Variants in S1PR5 observed in about 807,000 individuals in gnomAD.
S1PR5 encodes the protein sphingosine-1-phosphate receptor 5.
For synonymous variants in S1PR5, 307 were observed against 284.7 expected (o/e 1.08, Z -0.79); for missense variants, 583 against 571.7 (o/e 1.02, Z -0.20).
Position 10,514,180 on chromosome 19 carries a change from G to A in S1PR5, c.832C>T (p.Pro278Ser). The change falls in exon 2 of 2, where the codon CCG (proline) becomes TCG (serine). Residue 278 changes from proline (P) to serine (S), a missense_variant. Transcript: ENST00000333430. The part of the protein sequence containing the change: ...FLLLLLDVAC[P>S]ARTCPVLLQA... ...AGGAGTACAGGACAGGTGCGCGCCG[G>A]GCACGCCACGTCGAGCAACAGCAGC... 6.2e-7 allele frequency: 1 copy of A among 1,612,496 alleles called. No individual in the cohort carries two copies. Among genetic ancestry groups the A allele is most frequent in the Non-Finnish European group, 8.5e-7 (1 of 1,179,706 alleles).
chr19:10,513,646 C>G lies in S1PR5; in HGVS notation c.*169G>C, dbSNP rs568152087. On this transcript the variant is annotated 3_prime_UTR_variant, in exon 2 of 2. Transcript: ENST00000333430. Reference sequence around the variant, plus strand: ...GTTCCCAAGCAGAACGTCAATTCCACGAGGGCACAGATTTTTTGTCTGTTT... The same window carrying G: ...GTTCCCAAGCAGAACGTCAATTCCAGGAGGGCACAGATTTTTTGTCTGTTT... 39 of 909,518 alleles carry G rather than the reference C, an allele frequency of 4.3e-5. No homozygotes were observed. The East Asian group carries it at 9.3e-4, about 22-fold the overall frequency. 56.3% of individuals were successfully genotyped at this position (909,518 alleles called of 1,614,324 possible).
intron 1 of S1PR5, 160 bp downstream of exon 1, chr19:10,517,238 G>T (rs372186661): frequency 5.7e-6 from 2 of 350,898 alleles, no homozygotes; most frequent in Non-Finnish European, 4.0e-6. Context: ...CAGCTGGGGA[G>T]CCCCCAGCTT....
Position 10,514,565 on chromosome 19 carries a change from C to T in S1PR5, c.447G>A (p.Gly149=), listed in dbSNP as rs748986653. The T allele has an allele frequency of 6.3e-7, 1 of 1,577,914 alleles. No individual in the cohort carries two copies. ...RRGPAPVSSR[G]RTLAMAAAAW... Reference sequence around the variant, plus strand: ...CCGCGGCTGCCATCGCCAGCGTGCGCCCCCGACTGGAGACGGGCGCGGGCC... The same window carrying T: ...CCGCGGCTGCCATCGCCAGCGTGCGTCCCCGACTGGAGACGGGCGCGGGCC... The change falls in exon 2 of 2, where the codon GGG becomes GGA. Residue 149 remains glycine, a synonymous_variant. Coordinates refer to ENST00000333430, the MANE Select transcript of S1PR5 (RefSeq NM_030760.5).
chr19:10,514,473 T>C lies in S1PR5; in HGVS notation c.539A>G (p.Asp180Gly). 6.2e-7 allele frequency: 1 copy of C among 1,607,498 alleles called. No homozygotes were observed. ...ALGWNCLGRLDACSTVLPLYA... is the reference protein window; with the variant it reads ...ALGWNCLGRLGACSTVLPLYA... ...GAGCGGCAAGACAGTGGAGCAAGCG[T>C]CCAGGCGACCCAGGCAATTCCAGCC... Residue 180 changes from aspartate to glycine, a missense_variant, in exon 2 of 2, where the codon GAC becomes GGC. Physicochemically the swap from Asp to Gly is moderately conservative, Grantham distance 94. Coordinates refer to ENST00000333430, the MANE Select transcript of S1PR5 (RefSeq NM_030760.5).
intron 1 of S1PR5, chr19:10,517,053 T>C (rs1382226433): frequency 6.6e-6 from 1 of 152,084 alleles, no homozygotes; most frequent in African/African-American, 2.4e-5. Context: ...ATGCTGGAGG[T>C]GGGGAGCCCA....
intron 1 of S1PR5, among the ~76,000 whole-genome samples, chr19:10,516,443 A>G (rs900564214): frequency 6.6e-6 from 1 of 151,734 alleles, no homozygotes; most frequent in Non-Finnish European, 1.5e-5. Flanking sequence ...TCATCTCTAC[A>G]AAAAAATTTA....
chr19:10,514,621 G>A lies in S1PR5; in HGVS notation c.391C>T (p.Leu131=), dbSNP rs1224502871. ...CGCGCCATGGTGAGGCTGCGCTCCA[G>A]CGCGATGGCCAGGAGGCTCAGCACG... The part of the protein sequence containing the change: ...ASVLSLLAIA[L]ERSLTMARRG... Residue 131 remains leucine, a synonymous_variant, in exon 2 of 2, where the codon CTG becomes TTG. Transcript: ENST00000333430. The A allele has an allele frequency of 6.3e-7, 1 of 1,593,558 alleles. No individual in the cohort carries two copies. Among genetic ancestry groups the A allele is most frequent in the Non-Finnish European group, 8.5e-7 (1 of 1,172,402 alleles).
chr19:10,513,327 G>A lies in S1PR5; in HGVS notation c.*488C>T, dbSNP rs555684174. 4 of 361,902 alleles carry A rather than the reference G, an allele frequency of 1.1e-5. No individual in the cohort carries two copies. Among genetic ancestry groups the A allele is most frequent in the Non-Finnish European group, 2.0e-5 (4 of 204,968 alleles). The allele number at this position is 361,902 out of a possible 1,614,324, so 22.4% of individuals were successfully genotyped here. On this transcript the variant is annotated 3_prime_UTR_variant, in exon 2 of 2. Transcript: ENST00000333430. ...TCTATATCACCCACAAGGTCCTTCG[G>A]GAACTACTCCTTCAGCTCCTTGTCT...
At position 10,514,633 on chromosome 19, in the gene S1PR5, G is replaced by T. The variant is rs1461670204; in HGVS notation, c.379C>A (p.Leu127Met). The T allele has an allele frequency of 6.3e-7, 1 of 1,598,272 alleles. No homozygotes were observed. Among genetic ancestry groups the T allele is most frequent in the Admixed American group, 1.7e-5 (1 of 57,734 alleles). ...VALTASVLSL[L>M]AIALERSLTM... ...AGGCTGCGCTCCAGCGCGATGGCCAGGAGGCTCAGCACGGACGCAGTGAGT... is the reference window on the plus strand; with the variant it reads ...AGGCTGCGCTCCAGCGCGATGGCCATGAGGCTCAGCACGGACGCAGTGAGT... The change falls in exon 2 of 2, where the codon CTG becomes ATG. Residue 127 changes from leucine (L) to methionine (M), a missense_variant. Transcript: ENST00000333430.
chr19:10,515,525 A>C (rs1266607349), intron 1 of S1PR5, among the ~76,000 whole-genome samples: 1 of 152,044 alleles, frequency 6.6e-6, no homozygotes. Flanking sequence ...AGGCAGAAGA[A>C]TCATTTGAAC....
In S1PR5 at chr19:10,514,916, C is replaced by T. The variant is rs533204482; in HGVS notation, c.96G>A (p.Pro32=). The T allele has an allele frequency of 3.5e-5, 57 of 1,610,138 alleles. No individual in the cohort carries two copies. Among genetic ancestry groups the T allele is most frequent in the Admixed American group, 1.7e-4 (10 of 59,904 alleles). ...CGGCGTCGGCGCGCAGGCCGGCACC[C>T]GGCTGGTAGCGCGCACCGCGGAGCT... ...TGKLRGARYQ[P]GAGLRADAVV... Residue 32 remains proline, a synonymous_variant, in exon 2 of 2, where the codon CCG becomes CCA. Transcript: ENST00000333430.
Position 10,513,053 on chromosome 19 carries a change from C to G in S1PR5, c.*762G>C, listed in dbSNP as rs1915320767. The G allele has an allele frequency of 1.3e-5, 2 of 152,454 alleles. No homozygotes were observed. Among genetic ancestry groups the G allele is most frequent in the African/African-American group, 4.8e-5 (2 of 41,468 alleles). 9.4% of individuals were successfully genotyped at this position (152,454 alleles called of 1,614,324 possible). On this transcript the variant is annotated 3_prime_UTR_variant, in exon 2 of 2. Coordinates refer to ENST00000333430, the MANE Select transcript of S1PR5 (RefSeq NM_030760.5). Reference sequence around the variant, plus strand: ...CATTGTCCTTGATAACTTTATTCCACTCTTACACTCAATTCCTCAGTAATT... The same window carrying G: ...CATTGTCCTTGATAACTTTATTCCAGTCTTACACTCAATTCCTCAGTAATT...
Position 10,513,958 on chromosome 19 carries a change from G to C in S1PR5, c.1054C>G (p.Leu352Val). Residue 352 changes from leucine to valine, a missense_variant, in exon 2 of 2, where the codon CTG becomes GTG. Physicochemically the swap from Leu to Val is conservative, Grantham distance 32 (BLOSUM62 1). Transcript: ENST00000333430. ...AEASGGLRRC[L>V]PPGLDGSFSG... Reference sequence around the variant, plus strand: ...AAGCTCCCATCAAGGCCCGGGGGCAGGCAGCGGCGCAGGCCCCCGGAAGCC... The same window carrying C: ...AAGCTCCCATCAAGGCCCGGGGGCACGCAGCGGCGCAGGCCCCCGGAAGCC... The C allele has an allele frequency of 6.3e-7, 1 of 1,599,334 alleles. No individual in the cohort carries two copies. The highest frequency in any genetic ancestry group is 8.5e-7 in the Non-Finnish European group (1 of 1,174,122).
chr19:10,514,498 C>G lies in S1PR5; in HGVS notation c.514G>C (p.Gly172Arg), dbSNP rs1568406515. Residue 172 changes from glycine (G) to arginine (R), a missense_variant, in exon 2 of 2, where the codon GGC becomes CGC. Gly to Arg is a moderately radical substitution (Grantham distance 125, BLOSUM62 -2). Transcript: ENST00000333430. Reference sequence around the variant, plus strand: ...TCCAGGCGACCCAGGCAATTCCAGCCCAGCGCTGGCAGGAGCCCGAGGAGC... The same window carrying G: ...TCCAGGCGACCCAGGCAATTCCAGCGCAGCGCTGGCAGGAGCCCGAGGAGC... ...SLLLGLLPAL[G>R]WNCLGRLDAC... The G allele has an allele frequency of 6.2e-7, 1 of 1,601,866 alleles. No homozygotes were observed. The highest frequency in any genetic ancestry group is 8.5e-7 in the Non-Finnish European group (1 of 1,175,082).
At chr19:10,515,933 AAC>A (rs145641681) in intron 1 of S1PR5, among the ~76,000 whole-genome samples, 1 of 151,932 alleles carries the variant, frequency 6.6e-6, no homozygotes, top group Non-Finnish European at 1.5e-5. Context: ...CTTTGTCTCA[AAC>A]ACACACACAC....
intron 1 of S1PR5, 139 bp downstream of exon 1, chr19:10,517,259 A>C: frequency 7.4e-5 from 36 of 487,182 alleles, no homozygotes; most frequent in South Asian, 1.7e-4. Flanking sequence ...CCCCCTCCCC[A>C]GAGGCCTCCA....
chr19:10,514,933 C>A lies in S1PR5; in HGVS notation c.79G>T (p.Gly27Cys), dbSNP rs766907326. Residue 27 changes from glycine (G) to cysteine (C), a missense_variant, in exon 2 of 2, where the codon GGT becomes TGT. Physicochemically the swap from Gly to Cys is radical, Grantham distance 159. Transcript: ENST00000333430. Reference sequence around the variant, plus strand: ...CCGGCACCCGGCTGGTAGCGCGCACCGCGGAGCTTGCCGGTGTAGTTGTAA... The same window carrying A: ...CCGGCACCCGGCTGGTAGCGCGCACAGCGGAGCTTGCCGGTGTAGTTGTAA... ...LHYNYTGKLR[G>C]ARYQPGAGLR... 6.2e-7 allele frequency: 1 copy of A among 1,608,470 alleles called. No individual in the cohort carries two copies. Among genetic ancestry groups the A allele is most frequent in the Non-Finnish European group, 8.5e-7 (1 of 1,178,664 alleles).
In S1PR5 at chr19:10,515,011, TG is replaced by T. The variant is rs1460619420; in HGVS notation, c.-1del. 12 of 1,550,498 alleles carry T rather than the reference TG, an allele frequency of 7.7e-6. No individual in the cohort carries two copies. The highest frequency in any genetic ancestry group is 1.4e-5 in the African/African-American group (1 of 73,778). ...GCCGGCCGCAGCAGCCCCGACTCCATGGGCCGCGCGCCCCAAGGCTGTTGGA... is the reference window on the plus strand; with the variant it reads ...GCCGGCCGCAGCAGCCCCGACTCCATGGCCGCGCGCCCCAAGGCTGTTGGA... On this transcript the variant is annotated 5_prime_UTR_variant, in exon 2 of 2. Transcript: ENST00000333430.
chr19:10,514,924 A>C lies in S1PR5; in HGVS notation c.88T>G (p.Tyr30Asp). The change falls in exon 2 of 2, where the codon TAC (tyrosine) becomes GAC (aspartate). Residue 30 changes from tyrosine to aspartate, a missense_variant. Tyr to Asp is a radical substitution (Grantham distance 160). Transcript: ENST00000333430. ...NYTGKLRGAR[Y>D]QPGAGLRADA... Reference sequence around the variant, plus strand: ...GCGCGCAGGCCGGCACCCGGCTGGTAGCGCGCACCGCGGAGCTTGCCGGTG... The same window carrying C: ...GCGCGCAGGCCGGCACCCGGCTGGTCGCGCGCACCGCGGAGCTTGCCGGTG... The C allele has an allele frequency of 2.5e-6, 4 of 1,609,658 alleles. No homozygotes were observed. The highest frequency in any genetic ancestry group is 3.4e-6 in the Non-Finnish European group (4 of 1,178,726).
Sources: allele counts gnomAD v4.1 joint callset (sites outside exome capture counted in the v4.1 genomes callset), GRCh38; gene constraint gnomAD v4.1.1; transcripts MANE v1.5; gene names NCBI Gene and HGNC (gene_info 2026-07-23, HGNC 2026-07-21).